Variants in PSMD6 observed in about 807,000 individuals in gnomAD.
PSMD6 encodes the protein 26S proteasome non-ATPase regulatory subunit 6.
In PSMD6, 7 loss-of-function variants were observed where a neutral mutation model predicts 44.9. That is an observed-to-expected ratio of 0.16 (90% CI 0.09 to 0.29). The LOEUF (loss-of-function observed/expected upper bound fraction) is 0.29, where lower values mean the gene tolerates loss of function less well. Ranked by LOEUF, PSMD6 falls within the 10% of genes least tolerant of loss-of-function variation. PSMD6 has a pLI of 1.00. For missense variants in PSMD6, 420 were observed against 482.6 expected, an observed-to-expected ratio of 0.87 and a Z score of 1.21; for synonymous variants, 184 against 172.7, an observed-to-expected ratio of 1.07 and a Z score of -0.51.
At chr3:64,022,872 A>G (rs2076155438) in intron 1 of PSMD6, 1 of 1,516,848 alleles carries the variant, frequency 6.6e-7, no homozygotes, top group African/African-American at 1.4e-5. Flanking sequence ...CATTCACTAC[A>G]GAAGGGCCAG....
In PSMD6 at chr3:64,023,431, G is replaced by GA; in HGVS notation, c.-13_-12insT. On this transcript the variant is annotated 5_prime_UTR_variant, in exon 1 of 8. Transcript: ENST00000295901. The stretch of plus-strand genomic sequence containing the variant: ...TTCTCCAGCGGCATCGCGGCGAAGG[G>GA]GACAGCGGCTGACAGGACACAACTT... 6.3e-7 allele frequency: 1 copy of GA among 1,589,472 alleles called. No individual in the cohort carries two copies. The highest frequency in any genetic ancestry group is 1.4e-5 in the African/African-American group (1 of 73,642).
At chr3:64,010,824 G>C (rs867330284) in intron 7 of PSMD6, 54 bp downstream of exon 7, 1 of 1,574,420 alleles carries the variant, frequency 6.4e-7, no homozygotes, top group Middle Eastern at 1.7e-4. Context: ...CATGACAATA[G>C]TTGACCTACT....
chr3:64,010,661 C>CATGGCTT lies in PSMD6; in HGVS notation c.1170_*6dup. On this transcript the variant is annotated 3_prime_UTR_variant, in exon 8 of 8. Coordinates refer to ENST00000295901, the MANE Select transcript of PSMD6 (RefSeq NM_014814.3). ...TCTAAAGCAAATCCTTTGTTAGTTA[C>CATGGCTT]ATGGCTTTACATATTAATTACTCTG... The CATGGCTT allele has an allele frequency of 6.4e-7, 1 of 1,554,216 alleles. No homozygotes were observed. Among genetic ancestry groups the CATGGCTT allele is most frequent in the Non-Finnish European group, 8.8e-7 (1 of 1,133,150 alleles).
In PSMD6 at chr3:64,013,617, A is replaced by G. The variant is rs773560927; in HGVS notation, c.827-10T>C. The G allele has an allele frequency of 6.3e-7, 1 of 1,596,828 alleles. No homozygotes were observed. The highest frequency in any genetic ancestry group is 1.1e-5 in the South Asian group (1 of 88,026). The stretch of plus-strand genomic sequence containing the variant: ...TCCTGTTCCACAACCGCTGCAATGA[A>G]TAAAATGACAAATTATAATAGACTC... On this transcript the variant is annotated splice_polypyrimidine_tract_variant and intron_variant, in intron 5 of 7. Coordinates refer to ENST00000295901, the MANE Select transcript of PSMD6 (RefSeq NM_014814.3).
chr3:64,013,712 G>A (rs2075998716), intron 5 of PSMD6, 105 bp from the exon 6 acceptor site: 1 of 1,054,788 alleles, frequency 9.5e-7, no homozygotes, highest in East Asian at 2.9e-5. Context: ...AGATGAACAA[G>A]TATCAAATTT....
chr3:64,023,213 G>T (rs2076161534), intron 1 of PSMD6, 62 bp downstream of exon 1: 2 of 1,486,362 alleles, frequency 1.3e-6, no homozygotes, highest in African/African-American at 2.9e-5. Flanking sequence ...GTCCCCGCAG[G>T]CTCCGGAACG....
At chr3:64,018,546 G>T in intron 5 of PSMD6, 53 bp downstream of exon 5, 1 of 1,332,816 alleles carries the variant, frequency 7.5e-7, no homozygotes, top group South Asian at 1.3e-5. Flanking sequence ...TTTGCACATA[G>T]GATCAGGAGT....
At chr3:64,023,870 C>T, upstream of PSMD6, 1 of 1,442,774 alleles carries the variant, frequency 6.9e-7, no homozygotes, top group African/African-American at 1.4e-5. Context: ...CGAGGTAGTA[C>T]TATTAGCCTA....
At chr3:64,012,138 T>C (rs1457194723) in intron 6 of PSMD6, 2 of 151,908 alleles carry the variant, frequency 1.3e-5, no homozygotes, top group African/African-American at 4.8e-5. Context: ...AATGTATAGA[T>C]TGTAACAAGC....
At chr3:64,020,734 A>G (rs1576036907) in intron 2 of PSMD6, among the ~76,000 whole-genome samples, 1 of 152,338 alleles carries the variant, frequency 6.6e-6, no homozygotes, top group East Asian at 1.9e-4. Flanking sequence ...CTTAATCCAC[A>G]TTAAGTAAAA....
At chr3:64,012,501 A>G (rs1323873064) in intron 6 of PSMD6, 1 of 152,242 alleles carries the variant, frequency 6.6e-6, no homozygotes, top group Non-Finnish European at 1.5e-5. Context: ...GCATAGGACC[A>G]TGTAACTTGG....
chr3:64,023,632 C>G, upstream of PSMD6: 1 of 1,427,016 alleles, frequency 7.0e-7, no homozygotes, highest in Admixed American at 2.9e-5. Flanking sequence ...CTTTTCCACC[C>G]TCAAGGCCCC....
chr3:64,013,766 G>GC (rs2075999635), intron 5 of PSMD6, 159 bp from the exon 6 acceptor site: 1 of 603,912 alleles, frequency 1.7e-6, no homozygotes, highest in Admixed American at 3.8e-5. Context: ...GGCAGCAACA[G>GC]CAGTGATAAA....
intron 5 of PSMD6, chr3:64,016,169 AGAGT>A (rs2076040974): frequency 6.6e-6 from 1 of 152,172 alleles, no homozygotes; most frequent in Admixed American, 6.6e-5. Context: ...CCTGGGCGAC[AGAGT>A]GAGACTCTGT....
chr3:64,010,822 T>C (rs966084263), intron 7 of PSMD6, 56 bp downstream of exon 7: 18 of 1,573,196 alleles, frequency 1.1e-5, no homozygotes, highest in East Asian at 1.1e-4. Context: ...TCCATGACAA[T>C]AGTTGACCTA....
At chr3:64,013,721 TTC>T in intron 5 of PSMD6, 114 bp from the exon 6 acceptor site, 1 of 938,592 alleles carries the variant, frequency 1.1e-6, no homozygotes, top group Non-Finnish European at 1.5e-6. Flanking sequence ...AGTATCAAAT[TTC>T]TCACTGCCCT....
intron 1 of PSMD6, chr3:64,022,870 AC>A (rs1461355893): frequency 2.0e-6 from 3 of 1,519,976 alleles, no homozygotes; most frequent in Non-Finnish European, 2.6e-6. Flanking sequence ...CACATTCACT[AC>A]AGAAGGGCCA....
rs2075922615 is a variant in PSMD6, at chr3:64,010,681, A to T, written c.1157T>A (p.Val386Glu). The T allele has an allele frequency of 6.3e-7, 1 of 1,593,486 alleles. No homozygotes were observed. Among genetic ancestry groups the T allele is most frequent in the Non-Finnish European group, 8.6e-7 (1 of 1,163,254 alleles). The change falls in exon 8 of 8, where the codon GTA becomes GAA. Residue 386 changes from valine (V) to glutamate (E), a missense_variant. Physicochemically the swap from Val to Glu is moderately radical, Grantham distance 121. This residue lies in a region of PSMD6 where 63 missense variants were observed against 112.1 expected (regional missense o/e 0.56). Coordinates refer to ENST00000295901, the MANE Select transcript of PSMD6 (RefSeq NM_014814.3). ...LLNRVQKLSRVINM is the reference protein window; with the variant it reads ...LLNRVQKLSREINM ...AGTTACATGGCTTTACATATTAATT[A>T]CTCTGGAAAGTTTTTGAACTCTGTT...
intron 1 of PSMD6, chr3:64,022,818 A>C: frequency 6.5e-7 from 1 of 1,535,980 alleles, no homozygotes; most frequent in Non-Finnish European, 8.7e-7. Context: ...ACAGGGAAAG[A>C]CTTTTTATAC....
Sources: allele counts gnomAD v4.1 joint callset (sites outside exome capture counted in the v4.1 genomes callset), GRCh38; gene constraint gnomAD v4.1.1; regional missense constraint gnomAD v4.1.1; transcripts MANE v1.5; gene names NCBI Gene and HGNC (gene_info 2026-07-23, HGNC 2026-07-21).